The following BORCS5 variants were observed in gnomAD, a reference collection of about 807,000 sequenced individuals.
BORCS5 encodes BLOC-1-related complex subunit 5.
BORCS5 carries 17 observed loss-of-function variants against 22.1 expected under a neutral mutation model. That is an observed-to-expected ratio of 0.77 (90% CI 0.53 to 1.15). BORCS5 has a LOEUF of 1.15. Among genes scored for constraint, BORCS5 ranks in the 50% most tolerant of loss-of-function variants. BORCS5 has a pLI of 0.00. For missense variants in BORCS5, 247 were observed against 253.2 expected, an observed-to-expected ratio of 0.98 and a Z score of 0.17; for synonymous variants, 117 against 99.8, an observed-to-expected ratio of 1.17 and a Z score of -1.03.
Position 12,445,689 on chromosome 12 carries a change from A to G in BORCS5, c.360+9904A>G, listed in dbSNP as rs549212577. On this transcript the variant is annotated intron_variant, in intron 3 of 3. Coordinates refer to ENST00000314565, the MANE Select transcript of BORCS5 (RefSeq NM_058169.6). ...TGTTCTGTCACTTAGGCCAGAGTGC[A>G]GTGGCACAATCATAGCTCACTCCAG... Among the ~76,000 whole-genome samples, 3 of 151,598 alleles carry G rather than the reference A, an allele frequency of 2.0e-5. No individual in the cohort carries two copies. The East Asian group carries it at 5.8e-4, about 29-fold the overall frequency.
intron 2 of BORCS5, among the ~76,000 whole-genome samples, chr12:12,421,354 A>G (rs902361214): frequency 1.3e-5 from 2 of 152,126 alleles, no homozygotes; most frequent in African/African-American, 4.8e-5. Flanking sequence ...GATTACGTTT[A>G]TTGATTTGTG....
intron 1 of BORCS5, 33 bp downstream of exon 1, chr12:12,357,542 C>T (rs371448421): frequency 1.9e-6 from 3 of 1,589,630 alleles, no homozygotes; most frequent in East Asian, 2.3e-5. Context: ...CTCCTCCAGC[C>T]CGCCCTGTCC....
chr12:12,414,566 C>G (rs1221048063), intron 2 of BORCS5, among the ~76,000 whole-genome samples: 2 of 87,634 alleles, frequency 2.3e-5, no homozygotes, highest in Admixed American at 9.4e-5. Context: ...GGGGCTGACC[C>G]CCCCACCTCC....
intron 2 of BORCS5, among the ~76,000 whole-genome samples, chr12:12,422,920 C>A (rs1015359223): frequency 6.6e-6 from 1 of 151,130 alleles, no homozygotes; most frequent in African/African-American, 2.4e-5. Flanking sequence ...AGTGGAGCTA[C>A]AAACCATGGT....
rs1038977966 is a variant in BORCS5, at chr12:12,467,178, CAAAAAGTGGT to C, written c.*1404_*1413del. 1.3e-5 allele frequency: 2 copies of C among 152,154 alleles called. No homozygotes were observed. The highest frequency in any genetic ancestry group is 2.4e-5 in the African/African-American group (1 of 41,416). The allele number at this position is 152,154 out of a possible 1,614,324, so 9.4% of individuals were successfully genotyped here. On this transcript the variant is annotated 3_prime_UTR_variant, in exon 4 of 4. Coordinates refer to ENST00000314565, the MANE Select transcript of BORCS5 (RefSeq NM_058169.6). Reference sequence around the variant, plus strand: ...TTCATATTTCTTTCACCTAGATTGACAAAAAGTGGTATATTTAAGACATCACCATCATTGT... The same window carrying C: ...TTCATATTTCTTTCACCTAGATTGACATATTTAAGACATCACCATCATTGT...
chr12:12,388,618 G>T (rs563085333), intron 2 of BORCS5, among the ~76,000 whole-genome samples: 2 of 149,666 alleles, frequency 1.3e-5, no homozygotes, highest in East Asian at 3.9e-4. Context: ...AATAGGACAA[G>T]GCATGAATAA....
intron 2 of BORCS5, among the ~76,000 whole-genome samples, chr12:12,412,185 A>T (rs1209823604): frequency 6.6e-6 from 1 of 152,188 alleles, no homozygotes; most frequent in South Asian, 2.1e-4. Flanking sequence ...TAGGGATTGC[A>T]TTGAACCTGT....
chr12:12,467,116 T>A lies in BORCS5; in HGVS notation c.*1340T>A, dbSNP rs1453436932. 6.6e-6 allele frequency: 1 copy of A among 152,140 alleles called. No homozygotes were observed. Among genetic ancestry groups the A allele is most frequent in the Non-Finnish European group, 1.5e-5 (1 of 68,038 alleles). 9.4% of individuals were successfully genotyped at this position (152,140 alleles called of 1,614,324 possible). Reference sequence around the variant, plus strand: ...GCTAATTAAAAAAAATTAATTAATTTTACATTTTCAAATTCAAAAGAATAA... The same window carrying A: ...GCTAATTAAAAAAAATTAATTAATTATACATTTTCAAATTCAAAAGAATAA... On this transcript the variant is annotated 3_prime_UTR_variant, in exon 4 of 4. Coordinates refer to ENST00000314565, the MANE Select transcript of BORCS5 (RefSeq NM_058169.6).
chr12:12,395,085 G>A (rs1215460513), intron 2 of BORCS5, among the ~76,000 whole-genome samples: 1 of 151,930 alleles, frequency 6.6e-6, no homozygotes, highest in South Asian at 2.1e-4. Context: ...GACAGGTGGG[G>A]TTTTGGTGTG....
In BORCS5 at chr12:12,470,566, A is replaced by G. The variant is rs142673231; in HGVS notation, c.*4790A>G. 5.3e-5 allele frequency among the ~76,000 whole-genome samples: 8 copies of G among 152,218 alleles called. No individual in the cohort carries two copies. The highest frequency in any genetic ancestry group is 1.2e-4 in the Non-Finnish European group (8 of 68,024). On this transcript the variant is annotated 3_prime_UTR_variant, in exon 4 of 4. Coordinates refer to ENST00000314565, the MANE Select transcript of BORCS5 (RefSeq NM_058169.6). ...CTGAGATGGAACGGTTTCATCCAGAAACCATCCCCCTGCTTCCCTGTCTGT... is the reference window on the plus strand; with the variant it reads ...CTGAGATGGAACGGTTTCATCCAGAGACCATCCCCCTGCTTCCCTGTCTGT...
At chr12:12,462,814 G>A (rs1329074911) in intron 3 of BORCS5, among the ~76,000 whole-genome samples, 1 of 151,940 alleles carries the variant, frequency 6.6e-6, no homozygotes, top group Admixed American at 6.6e-5. Context: ...ACACTGCCAC[G>A]CCCGGCTAAT....
At chr12:12,417,477 G>A (rs1023920981) in intron 2 of BORCS5, among the ~76,000 whole-genome samples, 13 of 152,124 alleles carry the variant, frequency 8.5e-5, no homozygotes, top group Non-Finnish European at 1.3e-4. Flanking sequence ...AGTTGAGTCA[G>A]TTTGTTGTGT....
At chr12:12,361,514 G>T (rs1384105928) in intron 2 of BORCS5, among the ~76,000 whole-genome samples, 165 bp downstream of exon 2, 4 of 152,056 alleles carry the variant, frequency 2.6e-5, no homozygotes, top group Non-Finnish European at 5.9e-5. Flanking sequence ...AATTAAAACT[G>T]CAGCCCCTTT....
At chr12:12,370,913 T>C (rs951164001) in intron 2 of BORCS5, among the ~76,000 whole-genome samples, 38 of 152,070 alleles carry the variant, frequency 2.5e-4, no homozygotes, top group African/African-American at 8.2e-4. Context: ...CATGCCCAGC[T>C]AATTTTTCTG....
At chr12:12,426,028 A>G (rs902975229) in intron 2 of BORCS5, among the ~76,000 whole-genome samples, 8 of 152,236 alleles carry the variant, frequency 5.3e-5, no homozygotes, top group African/African-American at 1.9e-4. Context: ...TCACACTTAC[A>G]GATGAAGGAT....
chr12:12,362,809 T>C (rs1252810162), intron 2 of BORCS5, among the ~76,000 whole-genome samples: 1 of 151,082 alleles, frequency 6.6e-6, no homozygotes, highest in Non-Finnish European at 1.5e-5. Context: ...CCAAGCTAAA[T>C]GTTTTTATTA....
chr12:12,421,229 T>C (rs916692778), intron 2 of BORCS5, among the ~76,000 whole-genome samples: 8 of 152,174 alleles, frequency 5.3e-5, no homozygotes, highest in Non-Finnish European at 1.2e-4. Context: ...GTTCCATCAA[T>C]ACCCAGTTTA....
chr12:12,452,550 C>T (rs752572619), intron 3 of BORCS5: 7 of 356,008 alleles, frequency 2.0e-5, no homozygotes, highest in Non-Finnish European at 3.9e-5. Context: ...AGCCTCGCCT[C>T]GTGATCTTGC....
chr12:12,426,133 A>G (rs907109929), intron 2 of BORCS5, among the ~76,000 whole-genome samples: 4 of 152,200 alleles, frequency 2.6e-5, no homozygotes, highest in African/African-American at 9.6e-5. Flanking sequence ...CCTGACTCCA[A>G]ACTTTTTCAT....
Sources: allele counts gnomAD v4.1 joint callset (sites outside exome capture counted in the v4.1 genomes callset), GRCh38; gene constraint gnomAD v4.1.1; transcripts MANE v1.5; gene names NCBI Gene and HGNC (gene_info 2026-07-23, HGNC 2026-07-21).